ESR1: variants seen among roughly 807,000 people sequenced by gnomAD.
The protein encoded by ESR1 is estrogen receptor.
A neutral mutation model predicts 52.7 loss-of-function variants in ESR1; 12 were observed. The observed-to-expected ratio is 0.23, with a 90% CI of 0.15 to 0.37. The LOEUF (loss-of-function observed/expected upper bound fraction) is 0.37. ESR1 is among the 10% of genes least tolerant of loss of function. The pLI, the probability that ESR1 is intolerant of heterozygous loss-of-function variation, is 1.00. For missense variants in ESR1, 584 were observed against 779.7 expected (o/e 0.75, Z 2.99); for synonymous variants, 305 against 316.8 (o/e 0.96, Z 0.39).
chr6:151,773,229 A>G lies in ESR1; in HGVS notation c.-70-34614A>G, dbSNP rs971479516. ...GCAGAGTGGGGGGTGATGCTTCTAT[A>G]AGCCAACGAACCCCAAAGATTGCCA... On this transcript the variant is annotated intron_variant, in intron 2 of 2. Coordinates refer to the ESR1 transcript ENST00000404742. Among the ~76,000 whole-genome samples, 5 of 152,288 alleles carry G rather than the reference A, an allele frequency of 3.3e-5. No homozygotes were observed. The East Asian group carries it at 9.7e-4, about 29-fold the overall frequency.
At chr6:151,933,523 G>C (rs2033967824) in intron 3 of ESR1, among the ~76,000 whole-genome samples, 2 of 151,420 alleles carry the variant, frequency 1.3e-5, no homozygotes, top group South Asian at 2.1e-4. Context: ...GGGCATCCCT[G>C]TCTTGTGCCA....
intron 4 of ESR1, among the ~76,000 whole-genome samples, chr6:151,974,891 G>A (rs1357287073): frequency 6.6e-6 from 1 of 152,132 alleles, no homozygotes; most frequent in African/African-American, 2.4e-5. Context: ...TCTTTTCTAC[G>A]TGTTTGATCT....
At chr6:152,051,100 C>T (rs1468439138) in intron 5 of ESR1, among the ~76,000 whole-genome samples, 1 of 152,152 alleles carries the variant, frequency 6.6e-6, no homozygotes, top group African/African-American at 2.4e-5. Context: ...TCCACTTCTC[C>T]CACCCCTTAT....
chr6:152,022,090 C>T (rs758593887), intron 5 of ESR1, among the ~76,000 whole-genome samples: 62 of 152,264 alleles, frequency 4.1e-4, no homozygotes, highest in African/African-American at 1.4e-3. Flanking sequence ...GTTTCTACTT[C>T]GGACCCCTGA....
At chr6:151,782,152 C>A (rs1470929716) in intron 2 of ESR1, among the ~76,000 whole-genome samples, 1 of 152,060 alleles carries the variant, frequency 6.6e-6, no homozygotes, top group Admixed American at 6.5e-5. Context: ...ACAGATCAAT[C>A]AACAACCTGT....
intron 1 of ESR1, among the ~76,000 whole-genome samples, chr6:151,677,153 AT>A (rs1313951683): frequency 3.3e-5 from 5 of 152,266 alleles, no homozygotes; most frequent in African/African-American, 1.2e-4. Context: ...AAGAAGAAAA[AT>A]TTGAGTTAGG....
chr6:151,893,215 G>A (rs1216925153), intron 3 of ESR1, among the ~76,000 whole-genome samples: 1 of 152,116 alleles, frequency 6.6e-6, no homozygotes. Flanking sequence ...CAGGCATGGC[G>A]GGGAGCGCCT....
intron 2 of ESR1, among the ~76,000 whole-genome samples, chr6:151,707,548 G>A (rs1286605901): frequency 4.6e-5 from 7 of 151,946 alleles, no homozygotes; most frequent in Non-Finnish European, 5.9e-5. Context: ...TTGAAATGAT[G>A]TTGTATCTTG....
At chr6:151,921,162 C>T (rs2031582848) in intron 3 of ESR1, among the ~76,000 whole-genome samples, 3 of 152,148 alleles carry the variant, frequency 2.0e-5, no homozygotes, top group Non-Finnish European at 4.4e-5. Flanking sequence ...TCAGCTCCCA[C>T]TTCTAAGTGA....
chr6:152,062,087 T>G (rs1391212532), intron 6 of ESR1, among the ~76,000 whole-genome samples: 1 of 152,228 alleles, frequency 6.6e-6, no homozygotes, highest in Non-Finnish European at 1.5e-5. Context: ...AGTCTCAAAT[T>G]CCTCAATAGC....
intron 6 of ESR1, among the ~76,000 whole-genome samples, chr6:152,117,564 A>T (rs940640205): frequency 2.0e-5 from 3 of 152,184 alleles, no homozygotes; most frequent in Admixed American, 6.5e-5. Flanking sequence ...TGTGACCTTC[A>T]TATTTTAGAA....
intron 1 of ESR1, among the ~76,000 whole-genome samples, chr6:151,821,699 C>T (rs1780581999): frequency 6.6e-6 from 1 of 152,042 alleles, no homozygotes; most frequent in African/African-American, 2.4e-5. Flanking sequence ...TTAGTATTGA[C>T]AGAATTAAAA....
At chr6:152,092,614 A>T (rs2050275514) in intron 6 of ESR1, among the ~76,000 whole-genome samples, 1 of 152,222 alleles carries the variant, frequency 6.6e-6, no homozygotes, top group African/African-American at 2.4e-5. Context: ...TGGGCTGAAT[A>T]GTGGTATGAC....
At chr6:151,785,197 G>A (rs1005287426) in intron 2 of ESR1, among the ~76,000 whole-genome samples, 2 of 152,230 alleles carry the variant, frequency 1.3e-5, no homozygotes, top group African/African-American at 4.8e-5. Context: ...AAGACAGAAA[G>A]TGTAATGAGC....
chr6:151,700,226 A>G (rs994090732), intron 1 of ESR1, among the ~76,000 whole-genome samples: 5 of 152,190 alleles, frequency 3.3e-5, no homozygotes, highest in African/African-American at 1.2e-4. Flanking sequence ...GAAGTGGTGG[A>G]GGAAGCCCAT....
chr6:152,107,280 A>G (rs2051078441), downstream of ESR1, among the ~76,000 whole-genome samples: 1 of 151,630 alleles, frequency 6.6e-6, no homozygotes, highest in South Asian at 2.1e-4. Context: ...GCATTTATTT[A>G]TTTTCTTTTG....
At chr6:151,791,264 C>A (rs973674555) in intron 2 of ESR1, among the ~76,000 whole-genome samples, 1 of 152,054 alleles carries the variant, frequency 6.6e-6, no homozygotes, top group South Asian at 2.1e-4. Context: ...GGGATCCAGT[C>A]GGAGGTAATT....
At chr6:151,883,796 T>G (rs1235322653) in intron 3 of ESR1, among the ~76,000 whole-genome samples, 1 of 152,064 alleles carries the variant, frequency 6.6e-6, no homozygotes, top group East Asian at 1.9e-4. Flanking sequence ...GAGGCCTCTC[T>G]CCTTGGCTTG....
At chr6:151,815,744 C>T (rs553646089) in intron 1 of ESR1, among the ~76,000 whole-genome samples, 16 of 152,202 alleles carry the variant, frequency 1.1e-4, no homozygotes, top group Non-Finnish European at 1.8e-4. Flanking sequence ...ACGGTGCTTT[C>T]TCAGTCCTTT....
Sources: gnomAD v4.1 joint callset for allele counts (sites outside exome capture counted in the v4.1 genomes callset) on GRCh38, gnomAD v4.1.1 for gene constraint, MANE v1.5 for transcripts, NCBI Gene and HGNC (gene_info 2026-07-23, HGNC 2026-07-21) for gene names.